The following KCNAB1 variants were observed in gnomAD, a reference collection of about 807,000 sequenced individuals.
The protein encoded by KCNAB1 is voltage-gated potassium channel subunit beta-1.
In KCNAB1, 35 loss-of-function variants were observed where a neutral mutation model predicts 64.6. The observed-to-expected ratio is 0.54, with a 90% CI of 0.41 to 0.72. The LOEUF is 0.72. Among genes scored for constraint, KCNAB1 ranks in the 30% least tolerant of loss-of-function variants. KCNAB1 has a pLI of 0.00. For missense variants in KCNAB1, 401 were observed against 512.9 expected, an observed-to-expected ratio of 0.78 and a Z score of 2.11; for synonymous variants, 177 against 183.8, an observed-to-expected ratio of 0.96 and a Z score of 0.30.
chr3:156,414,606 A>G (rs1033418718), intron 1 of KCNAB1, among the ~76,000 whole-genome samples: 7 of 152,340 alleles, frequency 4.6e-5, no homozygotes, highest in African/African-American at 1.4e-4. Flanking sequence ...GAATGGAAGG[A>G]TATGCTAACT....
At chr3:156,502,482 C>G (rs1716511608) in intron 8 of KCNAB1, among the ~76,000 whole-genome samples, 1 of 149,188 alleles carries the variant, frequency 6.7e-6, no homozygotes, top group South Asian at 2.2e-4. Flanking sequence ...AAGTGGCATT[C>G]TATTTTCTAT....
intron 1 of KCNAB1, among the ~76,000 whole-genome samples, chr3:156,152,808 A>G (rs1002334404): frequency 6.6e-6 from 1 of 152,228 alleles, no homozygotes; most frequent in African/African-American, 2.4e-5. Context: ...TACGGTTTCA[A>G]AACAGAGCTA....
At chr3:156,176,529 C>T (rs1453068898) in intron 1 of KCNAB1, 3 of 803,262 alleles carry the variant, frequency 3.7e-6, no homozygotes, top group Non-Finnish European at 4.6e-6. Flanking sequence ...TCTGTGGATG[C>T]TGGGAAGAGC....
At chr3:156,140,328 C>T (rs571751322) in intron 1 of KCNAB1, among the ~76,000 whole-genome samples, 2 of 152,312 alleles carry the variant, frequency 1.3e-5, no homozygotes, top group South Asian at 4.1e-4. Context: ...TTACCATAGA[C>T]TTAATGGCTT....
At chr3:156,323,778 T>A (rs539091958) in intron 1 of KCNAB1, among the ~76,000 whole-genome samples, 9 of 152,208 alleles carry the variant, frequency 5.9e-5, no homozygotes, top group Non-Finnish European at 1.2e-4. Flanking sequence ...CCAAACAATC[T>A]TTCCATCTTT....
At chr3:156,156,195 G>A (rs1482952107) in intron 1 of KCNAB1, among the ~76,000 whole-genome samples, 2 of 152,138 alleles carry the variant, frequency 1.3e-5, no homozygotes, top group African/African-American at 4.8e-5. Flanking sequence ...GCATTCCAAG[G>A]GCTTAGAGGT....
At chr3:156,124,365 T>C (rs1713525674) in intron 1 of KCNAB1, among the ~76,000 whole-genome samples, 1 of 151,920 alleles carries the variant, frequency 6.6e-6, no homozygotes, top group Non-Finnish European at 1.5e-5. Flanking sequence ...TACAGGTGGG[T>C]GCCATTACGC....
intron 1 of KCNAB1, among the ~76,000 whole-genome samples, chr3:156,383,281 C>T (rs895040453): frequency 2.0e-5 from 3 of 152,152 alleles, no homozygotes; most frequent in East Asian, 3.9e-4. Context: ...ATTTCTATTT[C>T]TACTTTTAAC....
rs199794139 is a variant in KCNAB1, at chr3:156,164,073, G to A, written c.275+43187G>A. Among the ~76,000 whole-genome samples, 7 of 152,272 alleles carry A rather than the reference G, an allele frequency of 4.6e-5. No individual in the cohort carries two copies. The East Asian group carries it at 9.7e-4, about 21-fold the overall frequency. ...TCTAACTGTTTCTTAACCCACTGGC[G>A]ACAGGGAGTGGTGCCTTTCAGAATC... On this transcript the variant is annotated intron_variant, in intron 1 of 13. Coordinates refer to ENST00000490337, the MANE Select transcript of KCNAB1 (RefSeq NM_172160.3).
intron 1 of KCNAB1, among the ~76,000 whole-genome samples, chr3:156,144,399 G>A (rs542105523): frequency 5.2e-4 from 79 of 152,320 alleles, no homozygotes; most frequent in African/African-American, 1.9e-3. Context: ...AAAGCAATTT[G>A]CAATGATATG....
chr3:156,446,192 C>T (rs1354678186), intron 2 of KCNAB1: 3 of 152,100 alleles, frequency 2.0e-5, no homozygotes, highest in African/African-American at 7.2e-5. Context: ...ACATGCTCAC[C>T]AGGGTAATGA....
At chr3:156,291,844 C>CA (rs1720452917) in intron 1 of KCNAB1, 1 of 1,604,460 alleles carries the variant, frequency 6.2e-7, no homozygotes. Flanking sequence ...CGCAACTGCT[C>CA]AACCTCTCGT....
At chr3:156,458,533 C>T (rs1418695296) in intron 4 of KCNAB1, among the ~76,000 whole-genome samples, 1 of 152,162 alleles carries the variant, frequency 6.6e-6, no homozygotes, top group African/African-American at 2.4e-5. Flanking sequence ...AGTGGATGGT[C>T]CCAGTGCATT....
intron 1 of KCNAB1, among the ~76,000 whole-genome samples, chr3:156,178,554 G>A (rs575729486): frequency 6.6e-6 from 1 of 152,276 alleles, no homozygotes; most frequent in South Asian, 2.1e-4. Context: ...AATTCTCTTT[G>A]CATTAAGAGT....
In KCNAB1 at chr3:156,140,083, A is replaced by G. The variant is rs939024481; in HGVS notation, c.275+19197A>G. ...AGAGAAAATCTCAGATTTGTGCTAA[A>G]TTATCTTTAAAACCTTTCTAATACT... On this transcript the variant is annotated intron_variant, in intron 1 of 13. Transcript: ENST00000490337. Among the ~76,000 whole-genome samples, 10 of 152,334 alleles carry G rather than the reference A, an allele frequency of 6.6e-5. 1 individual carries two copies. Among genetic ancestry groups the G allele is most frequent in the Admixed American group, 4.6e-4 (7 of 15,304 alleles).
rs150432548 is a variant in KCNAB1 at position 156,389,988 on chromosome 3, A to AAGGGGT, written c.276-31627_276-31622dup. On this transcript the variant is annotated intron_variant, in intron 1 of 13. Transcript: ENST00000490337. ...TGCAAAGCTGAAAATATTTATGAAA[A>AAGGGGT]AGGGGTGTCGATCTCTGCTTACACA... Among the ~76,000 whole-genome samples, 994 of 152,350 alleles carry AAGGGGT rather than the reference A, an allele frequency of 6.5e-3. 14 individuals carry two copies. Among genetic ancestry groups the AAGGGGT allele is most frequent in the African/African-American group, 0.023 (969 of 41,574 alleles).
intron 1 of KCNAB1, among the ~76,000 whole-genome samples, chr3:156,273,077 C>A (rs1353242938): frequency 6.6e-6 from 1 of 151,898 alleles, no homozygotes; most frequent in Non-Finnish European, 1.5e-5. Context: ...GAGCTGATAC[C>A]CTAGTTTTAA....
At chr3:156,378,647 G>T (rs142854219) in intron 1 of KCNAB1, among the ~76,000 whole-genome samples, 153 of 152,124 alleles carry the variant, frequency 1.0e-3, no homozygotes, top group African/African-American at 3.3e-3. Context: ...TCCTTTCTAT[G>T]TGCACTCACT....
At chr3:156,143,569 G>GTTTTTTTTTTTTTTTTTTTTTTT (rs56216211) in intron 1 of KCNAB1, 3 of 281,612 alleles carry the variant, frequency 1.1e-5, no homozygotes, top group African/African-American at 5.9e-5. Flanking sequence ...TTGCATTCTT[G>GTTTTTTTTTTTTTTTTTTTTTTT]TTTTTTTTTT....
Sources: allele counts gnomAD v4.1 joint callset (sites outside exome capture counted in the v4.1 genomes callset), GRCh38; gene constraint gnomAD v4.1.1; transcripts MANE v1.5; gene names NCBI Gene and HGNC (gene_info 2026-07-23, HGNC 2026-07-21).